Variants in TSPAN2 observed in about 807,000 individuals in gnomAD.
TSPAN2 encodes the protein tetraspanin-2.
TSPAN2 carries 24 observed loss-of-function variants against 33.3 expected under a neutral mutation model. That is an observed-to-expected ratio of 0.72 (90% CI 0.52 to 1.01). The LOEUF (loss-of-function observed/expected upper bound fraction) is 1.01, where lower values mean the gene tolerates loss of function less well. Among genes scored for constraint, TSPAN2 ranks in the 50% least tolerant of loss-of-function variants. The pLI is 0.00. For synonymous variants in TSPAN2, 114 were observed against 104.5 expected (o/e 1.09, Z -0.56); for missense variants, 278 against 281.3 (o/e 0.99, Z 0.08).
chr1:115,069,380 A>T (rs61290488), intron 2 of TSPAN2, among the ~76,000 whole-genome samples: 2,634 of 152,334 alleles, frequency 0.017, 74 homozygotes, highest in African/African-American at 0.059. Flanking sequence ...GTCCACAATG[A>T]CAAGTTCGAG....
chr1:115,054,714 G>A (rs140788514), intron 6 of TSPAN2, among the ~76,000 whole-genome samples: 1 of 152,198 alleles, frequency 6.6e-6, no homozygotes, highest in African/African-American at 2.4e-5. Context: ...ATGGCTGGGC[G>A]CGGTGGCTCA....
At position 115,053,324 on chromosome 1, in the gene TSPAN2, C is replaced by CA; in HGVS notation, c.600+54dup. 5 of 1,500,210 alleles carry CA rather than the reference C, an allele frequency of 3.3e-6. No homozygotes were observed. The African/African-American group carries it at 5.5e-5, about 17-fold the overall frequency. The allele number at this position is 1,500,210 out of a possible 1,614,324, so 92.9% of individuals were successfully genotyped here. On this transcript the variant is annotated intron_variant, in intron 7 of 7. Transcript: ENST00000369516. ...ATCACACTTGAAAAGAAATAAGATG[C>CA]AAAGTTTCAAGGCTTTTTAGAGGGC...
intron 1 of TSPAN2, among the ~76,000 whole-genome samples, chr1:115,083,919 T>C (rs1462574055): frequency 6.6e-6 from 1 of 152,142 alleles, no homozygotes; most frequent in Non-Finnish European, 1.5e-5. Context: ...AAAGGCAAAA[T>C]GGAGGCTAAA....
At chr1:115,081,131 T>A (rs899716646) in intron 1 of TSPAN2, among the ~76,000 whole-genome samples, 3 of 152,174 alleles carry the variant, frequency 2.0e-5, no homozygotes, top group Admixed American at 1.3e-4. Context: ...TTAGCATGGG[T>A]GGAATCTAGC....
intron 1 of TSPAN2, among the ~76,000 whole-genome samples, chr1:115,079,260 CT>C (rs1301856613): frequency 6.6e-6 from 1 of 152,044 alleles, no homozygotes; most frequent in Non-Finnish European, 1.5e-5. Flanking sequence ...CAATTCTCTT[CT>C]TTGGGATGAA....
At chr1:115,062,334 C>A in intron 2 of TSPAN2, 102 bp from the exon 3 acceptor site, 2 of 827,076 alleles carry the variant, frequency 2.4e-6, no homozygotes, top group South Asian at 1.6e-5. Context: ...CTAATAGTAC[C>A]AAAAGGAGGT....
chr1:115,052,527 G>A (rs988453107), intron 7 of TSPAN2, among the ~76,000 whole-genome samples: 4 of 152,096 alleles, frequency 2.6e-5, no homozygotes, highest in Non-Finnish European at 5.9e-5. Flanking sequence ...CTTTCCTTAA[G>A]GGTGAAGCCC....
At chr1:115,072,880 A>G in intron 2 of TSPAN2, 25 bp downstream of exon 2, 1 of 1,565,052 alleles carries the variant, frequency 6.4e-7, no homozygotes, top group Non-Finnish European at 8.8e-7. Flanking sequence ...TCTGAGCTGG[A>G]GCTTAGGAAG....
rs1318996433 is a variant in TSPAN2, at chr1:115,058,966, G to T, written c.361C>A (p.Gln121Lys). 5 of 1,613,588 alleles carry T rather than the reference G, an allele frequency of 3.1e-6. No individual in the cohort carries two copies. The African/African-American group carries it at 6.7e-5, about 22-fold the overall frequency. Reference protein sequence around the residue: ...IGKGVAIRHVQTMYEEAYNDY... With the variant: ...IGKGVAIRHVKTMYEEAYNDY... ...TTGTAAGCCTCTTCATACATGGTCTGAACATGTCGGATAGCCTGAAGAAAT... is the reference window on the plus strand; with the variant it reads ...TTGTAAGCCTCTTCATACATGGTCTTAACATGTCGGATAGCCTGAAGAAAT... The change falls in exon 5 of 8, where the codon CAG (glutamine) becomes AAG (lysine). Residue 121 changes from glutamine to lysine, a missense_variant. Physicochemically the swap from Gln to Lys is moderately conservative, Grantham distance 53. Coordinates refer to ENST00000369516, the MANE Select transcript of TSPAN2 (RefSeq NM_005725.6).
chr1:115,069,810 GA>G (rs1349031541), intron 2 of TSPAN2, among the ~76,000 whole-genome samples: 1 of 152,178 alleles, frequency 6.6e-6, no homozygotes, highest in African/African-American at 2.4e-5. Context: ...GTTTAGATTA[GA>G]AACAAAATCA....
chr1:115,082,523 T>C (rs538441374), intron 1 of TSPAN2, among the ~76,000 whole-genome samples: 29 of 152,384 alleles, frequency 1.9e-4, no homozygotes, highest in African/African-American at 7.0e-4. Context: ...AGTGTACATT[T>C]ATATAGTGCT....
intron 1 of TSPAN2, among the ~76,000 whole-genome samples, chr1:115,083,383 G>T (rs1328934259): frequency 6.6e-6 from 1 of 152,184 alleles, no homozygotes; most frequent in Non-Finnish European, 1.5e-5. Flanking sequence ...TCAAGTATTA[G>T]CGTAAAAAAG....
intron 1 of TSPAN2, among the ~76,000 whole-genome samples, chr1:115,073,510 C>A (rs1339186289): frequency 7.2e-6 from 1 of 138,566 alleles, no homozygotes; most frequent in African/African-American, 2.6e-5. Context: ...GCAACCTCAA[C>A]CTCAGAACCC....
intron 6 of TSPAN2, among the ~76,000 whole-genome samples, chr1:115,054,268 A>C (rs1008136609): frequency 1.3e-5 from 2 of 152,186 alleles, no homozygotes; most frequent in African/African-American, 2.4e-5. Context: ...TTCCTTTGAT[A>C]CCATCTGAGC....
At chr1:115,066,062 C>A (rs1480183958) in intron 2 of TSPAN2, among the ~76,000 whole-genome samples, 1 of 152,174 alleles carries the variant, frequency 6.6e-6, no homozygotes, top group African/African-American at 2.4e-5. Context: ...ATCCATGCTG[C>A]TACAAATGAC....
chr1:115,086,556 T>C (rs934106750), intron 1 of TSPAN2, among the ~76,000 whole-genome samples: 2 of 152,198 alleles, frequency 1.3e-5, no homozygotes, highest in African/African-American at 2.4e-5. Context: ...AGATCACATA[T>C]AGAGAAGGTC....
rs569681035 is a variant in TSPAN2, at chr1:115,050,325, G to T, written c.*165C>A. The T allele has an allele frequency of 1.2e-5, 8 of 684,082 alleles. No homozygotes were observed. In the South Asian group the frequency reaches 1.3e-4, roughly 11 times the overall value. The allele number at this position is 684,082 out of a possible 1,614,324, so 42.4% of individuals were successfully genotyped here. A position where few individuals can be genotyped will look rare whatever the true frequency, so the allele number is the denominator to read the frequency against. Reference sequence around the variant, plus strand: ...ATCATAAACAGGCATTCACTCAAGGGGTAAACCAGTAATGAGCCAAACATA... The same window carrying T: ...ATCATAAACAGGCATTCACTCAAGGTGTAAACCAGTAATGAGCCAAACATA... On this transcript the variant is annotated 3_prime_UTR_variant, in exon 8 of 8. Transcript: ENST00000369516.
intron 1 of TSPAN2, among the ~76,000 whole-genome samples, chr1:115,088,557 T>C (rs886583402): frequency 6.6e-6 from 1 of 152,260 alleles, no homozygotes; most frequent in Non-Finnish European, 1.5e-5. Context: ...CTCGATAATA[T>C]AGGAGACAAG....
At chr1:115,078,052 A>C (rs1286354) in intron 1 of TSPAN2, among the ~76,000 whole-genome samples, 146,730 of 152,316 alleles carry the variant, frequency 0.96, 70,686 homozygotes, top group East Asian at 1. Flanking sequence ...TAAGTGGGAA[A>C]CACAGGTCCT....
Sources: allele counts gnomAD v4.1 joint callset (sites outside exome capture counted in the v4.1 genomes callset), GRCh38; gene constraint gnomAD v4.1.1; transcripts MANE v1.5; gene names NCBI Gene and HGNC (gene_info 2026-07-23, HGNC 2026-07-21).